VPS33B: variants seen among roughly 807,000 people sequenced by gnomAD.
VPS33B encodes the protein vacuolar protein sorting-associated protein 33B.
In VPS33B, 80 loss-of-function variants were observed where a neutral mutation model predicts 95.3. The ratio of observed to expected loss-of-function variants is 0.84; its 90% CI spans 0.70 to 1.01. The LOEUF (loss-of-function observed/expected upper bound fraction) is 1.01. Ranked by LOEUF, VPS33B falls within the 50% of genes least tolerant of loss-of-function variation. The probability of loss-of-function intolerance (pLI) is 0.00; values close to 1 mark genes in which losing one functional copy is unlikely to be tolerated. For missense variants in VPS33B, 715 were observed against 773.4 expected (o/e 0.92, Z 0.90); for synonymous variants, 280 against 280.4 (o/e 1.00, Z 0.01).
In VPS33B at chr15:91,017,697, AC is replaced by A; in HGVS notation, c.177+107del. On this transcript the variant is annotated intron_variant, in intron 2 of 22. Coordinates refer to ENST00000333371, the MANE Select transcript of VPS33B (RefSeq NM_018668.5). ...TCTCCCTTTTCTACCCAATTAAGCT[AC>A]CCTATATTTGCCCTACAAGAGTAGT... The A allele has an allele frequency of 2.8e-6, 3 of 1,063,928 alleles. No individual in the cohort carries two copies. The Admixed American group carries it at 5.6e-5, about 20-fold the overall frequency. The allele number at this position is 1,063,928 out of a possible 1,614,324, so 65.9% of individuals were successfully genotyped here.
Position 91,018,956 on chromosome 15 carries a change from A to C in VPS33B, c.97-1071T>G, listed in dbSNP as rs1471627773. ...CAGCCTCCCGAGTAGCTGAGATTAC[A>C]GGTGCCTGCCACCACACCTGGCTAA... On this transcript the variant is annotated intron_variant, in intron 1 of 22. Coordinates refer to ENST00000333371, the MANE Select transcript of VPS33B (RefSeq NM_018668.5). The surrounding 1 kb of genome is among the most constrained non-coding windows in gnomAD (Gnocchi z 4.7). Among the ~76,000 whole-genome samples, 2 of 151,730 alleles carry C rather than the reference A, an allele frequency of 1.3e-5. No homozygotes were observed. The highest frequency in any genetic ancestry group is 3.9e-4 in the East Asian group (2 of 5,156).
chr15:91,022,310 C>A lies in VPS33B; in HGVS notation c.-61G>T. 6.7e-7 allele frequency: 1 copy of A among 1,491,646 alleles called. No homozygotes were observed. Among genetic ancestry groups the A allele is most frequent in the Admixed American group, 2.1e-5 (1 of 47,376 alleles). The allele number at this position is 1,491,646 out of a possible 1,614,324, so 92.4% of individuals were successfully genotyped here. ...CCCTTCGTTCTGAGAAGGCCGGCCG[C>A]AGCCCAGGGAAGCGCAAGGGGGGCT... is the stretch of plus-strand genomic sequence containing the variant. On this transcript the variant is annotated 5_prime_UTR_variant, in exon 1 of 23. Transcript: ENST00000333371.
chr15:91,002,634 T>TAAA lies in VPS33B; in HGVS notation c.1272+448_1272+450dup, dbSNP rs74516510. On this transcript the variant is annotated intron_variant, in intron 17 of 22. Transcript: ENST00000333371. The surrounding 1 kb of genome is among the most constrained non-coding windows in gnomAD (Gnocchi z 4.7). ...AACAGAGCGAGACATCGTCTCGAAA[T>TAAA]AAAAAAAAAAAAAAAAAGAAAAGAA... Among the ~76,000 whole-genome samples, 3 of 88,766 alleles carry TAAA rather than the reference T, an allele frequency of 3.4e-5. No individual in the cohort carries two copies. Among genetic ancestry groups the TAAA allele is most frequent in the African/African-American group, 7.5e-5 (2 of 26,632 alleles). The allele number at this position is 88,766 out of a possible 152,430, so 58.2% of individuals were successfully genotyped here.
At position 90,999,318 on chromosome 15, in the gene VPS33B, G is replaced by GTTTTT; in HGVS notation, c.1775-269_1775-265dup. 1 of 480,838 alleles carries GTTTTT rather than the reference G, an allele frequency of 2.1e-6. No homozygotes were observed. Among genetic ancestry groups the GTTTTT allele is most frequent in the East Asian group, 3.9e-5 (1 of 25,476 alleles). 29.8% of individuals were successfully genotyped at this position (480,838 alleles called of 1,614,324 possible). A position where few individuals can be genotyped will look rare whatever the true frequency, so the allele number is the denominator to read the frequency against. The stretch of plus-strand genomic sequence containing the variant: ...TATTCCTGTGCAGGACACTTTGCGT[G>GTTTTT]TTTTTTTTTTTTCTCTTGAGATGGA... On this transcript the variant is annotated intron_variant, in intron 22 of 22. Coordinates refer to ENST00000333371, the MANE Select transcript of VPS33B (RefSeq NM_018668.5). This position sits in a 1 kb window ranked among gnomAD's most constrained non-coding sequence, Gnocchi z 5.1.
At chr15:91,017,201 A>G in intron 2 of VPS33B, 177 bp from the exon 3 acceptor site, 1 of 641,348 alleles carries the variant, frequency 1.6e-6, no homozygotes, top group Non-Finnish European at 2.8e-6. Flanking sequence ...TCAAACTGTC[A>G]ATAGAAAAAC....
At position 91,002,285 on chromosome 15, in the gene VPS33B, G is replaced by C. The variant is rs2151665389; in HGVS notation, c.1273-103C>G. 1 of 1,490,708 alleles carries C rather than the reference G, an allele frequency of 6.7e-7. No individual in the cohort carries two copies. The highest frequency in any genetic ancestry group is 9.2e-7 in the Non-Finnish European group (1 of 1,087,518). 92.3% of individuals were successfully genotyped at this position (1,490,708 alleles called of 1,614,324 possible). ...GAAGGACTATGAAGCCTCTGCTGCA[G>C]TGTGAAGGAGCTCACACTTTGTTGA... is the stretch of plus-strand genomic sequence containing the variant. On this transcript the variant is annotated intron_variant, in intron 17 of 22. Coordinates refer to ENST00000333371, the MANE Select transcript of VPS33B (RefSeq NM_018668.5). The surrounding 1 kb of genome is among the most constrained non-coding windows in gnomAD (Gnocchi z 4.7).
Position 91,002,676 on chromosome 15 carries a change from AAAG to A in VPS33B, c.1272+406_1272+408del, listed in dbSNP as rs1042252468. On this transcript the variant is annotated intron_variant, in intron 17 of 22. Coordinates refer to ENST00000333371, the MANE Select transcript of VPS33B (RefSeq NM_018668.5). This position sits in a 1 kb window ranked among gnomAD's most constrained non-coding sequence, Gnocchi z 4.7. ...AGAAAAGAAATAATTAGCACCAAAC[AAAG>A]AAGAATAAAAAGCAGCATGAGACTT... Among the ~76,000 whole-genome samples, 3 of 151,934 alleles carry A rather than the reference AAAG, an allele frequency of 2.0e-5. No homozygotes were observed. The highest frequency in any genetic ancestry group is 1.3e-4 in the Admixed American group (2 of 15,238).
Position 91,000,442 on chromosome 15 carries a change from A to G in VPS33B, c.1581+48T>C, listed in dbSNP as rs1344028603. On this transcript the variant is annotated intron_variant, in intron 20 of 22. Coordinates refer to ENST00000333371, the MANE Select transcript of VPS33B (RefSeq NM_018668.5). This position sits in a 1 kb window ranked among gnomAD's most constrained non-coding sequence, Gnocchi z 4.9. ...TGAGACACGCCAGGGACCAAGAGAA[A>G]GCAGAGAGAATGAAATATGAATGGG... The G allele has an allele frequency of 6.4e-7, 1 of 1,550,744 alleles. No homozygotes were observed. The highest frequency in any genetic ancestry group is 1.1e-5 in the South Asian group (1 of 89,076).
intron 16 of VPS33B, among the ~76,000 whole-genome samples, chr15:91,003,531 C>T (rs908223323): frequency 3.9e-5 from 6 of 152,158 alleles, no homozygotes; most frequent in South Asian, 2.1e-4. Context: ...CCTCCGCCTC[C>T]CGGGTTCAAG....
Position 91,001,448 on chromosome 15 carries a change from C to T in VPS33B, c.1420G>A (p.Ala474Thr). The change falls in exon 19 of 23, where the codon GCC (alanine) becomes ACC (threonine). Residue 474 changes from alanine (A) to threonine (T), a missense_variant. Physicochemically the swap from Ala to Thr is moderately conservative, Grantham distance 58 (BLOSUM62 0). Coordinates refer to ENST00000333371, the MANE Select transcript of VPS33B (RefSeq NM_018668.5). ...CTCCTCTTGGCCAGAGAACTGAAGG[C>T]ATCAGTAATCTTTCCTGGGGAAGAA... ...TDKAAGKITD[A>T]FSSLAKRSNF... is the part of the protein sequence containing the mutation. The T allele has an allele frequency of 6.2e-7, 1 of 1,614,006 alleles. No individual in the cohort carries two copies. The highest frequency in any genetic ancestry group is 8.5e-7 in the Non-Finnish European group (1 of 1,179,906).
In VPS33B at chr15:91,011,220, G is replaced by T. The variant is rs1040717099; in HGVS notation, c.358-1374C>A. Among the ~76,000 whole-genome samples the T allele has an allele frequency of 2.6e-5, 4 of 152,150 alleles. No homozygotes were observed. Among genetic ancestry groups the T allele is most frequent in the Non-Finnish European group, 4.4e-5 (3 of 68,038 alleles). On this transcript the variant is annotated intron_variant, in intron 5 of 22. Transcript: ENST00000333371. This position sits in a 1 kb window ranked among gnomAD's most constrained non-coding sequence, Gnocchi z 5.5. Reference sequence around the variant, plus strand: ...TAAAGTAATGAGAAAGAATGCTGAGGGCACTCACATCTGATAATGAGTTGA... The same window carrying T: ...TAAAGTAATGAGAAAGAATGCTGAGTGCACTCACATCTGATAATGAGTTGA...
intron 3 of VPS33B, among the ~76,000 whole-genome samples, chr15:91,014,844 C>T (rs867545265): frequency 3.4e-5 from 5 of 147,730 alleles, no homozygotes; most frequent in Admixed American, 1.3e-4. Context: ...CTTAACACTC[C>T]GGGAAGCCAA....
rs754800459 is a variant in VPS33B at position 91,007,534 on chromosome 15, A to G, written c.538T>C (p.Leu180=). 8 of 1,614,096 alleles carry G rather than the reference A, an allele frequency of 5.0e-6. No individual in the cohort carries two copies. The highest frequency in any genetic ancestry group is 6.8e-6 in the Non-Finnish European group (8 of 1,180,050). Residue 180 remains leucine (L), a synonymous_variant, in exon 8 of 23, where the codon TTA becomes CTA. Transcript: ENST00000333371. The surrounding 1 kb of genome is among the most constrained non-coding windows in gnomAD (Gnocchi z 5.3). ...CCATAGAGAGTGCTGAGAAGGTGTA[A>G]GGCCTGAGCTACAGTGTTGATCCAA... is the stretch of plus-strand genomic sequence containing the variant. ...QRWINTVAQA[L]HLLSTLYGPF...
rs71154160 is a variant in VPS33B at position 91,000,400 on chromosome 15, TA to T, written c.1581+89del. ...TGACAGAGCAAGACTCCATCTCAAA[TA>T]AAAAAAAAAAAACATTGAGACACGC... On this transcript the variant is annotated intron_variant, in intron 20 of 22. Coordinates refer to ENST00000333371, the MANE Select transcript of VPS33B (RefSeq NM_018668.5). This position sits in a 1 kb window ranked among gnomAD's most constrained non-coding sequence, Gnocchi z 4.9. 59,489 of 957,674 alleles carry T rather than the reference TA, an allele frequency of 0.062. 1 individual carries two copies. The highest frequency in any genetic ancestry group is 0.1 in the East Asian group (2,672 of 26,264). 59.3% of individuals were successfully genotyped at this position (957,674 alleles called of 1,614,324 possible).
intron 2 of VPS33B, among the ~76,000 whole-genome samples, chr15:91,017,409 T>G (rs1282471995): frequency 9.6e-6 from 1 of 103,740 alleles, no homozygotes; most frequent in African/African-American, 3.8e-5. Flanking sequence ...TATATATATA[T>G]ATATATATAT....
At position 91,007,051 on chromosome 15, in the gene VPS33B, C is replaced by G. The variant is rs1356894479; in HGVS notation, c.604-5G>C. The G allele has an allele frequency of 6.2e-7, 1 of 1,609,540 alleles. No homozygotes were observed. The highest frequency in any genetic ancestry group is 8.5e-7 in the Non-Finnish European group (1 of 1,180,016). ...CCTCCACAATTCATATGCCATCTGC[C>G]AGGGCCCAAGACATTCTCAGTCTTG... On this transcript the variant is annotated splice_region_variant and splice_polypyrimidine_tract_variant and intron_variant, in intron 8 of 22. Transcript: ENST00000333371. This position sits in a 1 kb window ranked among gnomAD's most constrained non-coding sequence, Gnocchi z 5.3.
At chr15:91,017,370 ATATAT>A (rs2040965195) in intron 2 of VPS33B, among the ~76,000 whole-genome samples, 353 of 26,956 alleles carry the variant, frequency 0.013, 74 homozygotes, top group African/African-American at 0.034. Context: ...AAAATTAAAT[ATATAT>A]ATATATATAT....
At position 91,016,915 on chromosome 15, in the gene VPS33B, G is replaced by C. The variant is rs1426384924; in HGVS notation, c.239+48C>G. The C allele has an allele frequency of 7.6e-6, 12 of 1,589,130 alleles. No homozygotes were observed. The Admixed American group carries it at 2.0e-4, about 27-fold the overall frequency. ...CAGATGAAAGGCAGACGTGCCCCTA[G>C]GGACCTCTTCCAGCTTGGAGTAGGG... On this transcript the variant is annotated intron_variant, in intron 3 of 22. Transcript: ENST00000333371.
At position 91,009,913 on chromosome 15, in the gene VPS33B, C is replaced by G; in HGVS notation, c.358-67G>C. 6.3e-7 allele frequency: 1 copy of G among 1,581,170 alleles called. No homozygotes were observed. The highest frequency in any genetic ancestry group is 1.1e-5 in the South Asian group (1 of 90,094). On this transcript the variant is annotated intron_variant, in intron 5 of 22. Coordinates refer to ENST00000333371, the MANE Select transcript of VPS33B (RefSeq NM_018668.5). This position sits in a 1 kb window ranked among gnomAD's most constrained non-coding sequence, Gnocchi z 4.1. Reference sequence around the variant, plus strand: ...CTGTTCTCTCCATTTCTCTGGAGTTCCTCTGTGGTCACTGATGAGGACAAT... The same window carrying G: ...CTGTTCTCTCCATTTCTCTGGAGTTGCTCTGTGGTCACTGATGAGGACAAT...
Sources: gnomAD v4.1 joint callset for allele counts (sites outside exome capture counted in the v4.1 genomes callset) on GRCh38, gnomAD v4.1.1 for gene constraint, Gnocchi (gnomAD v3.1) non-coding constraint, MANE v1.5 for transcripts, NCBI Gene and HGNC (gene_info 2026-07-23, HGNC 2026-07-21) for gene names.